The following MLLT3 variants were observed in gnomAD, a reference collection of about 807,000 sequenced individuals.
MLLT3 encodes the protein MLLT3 super elongation complex subunit.
In MLLT3, 4 loss-of-function variants were observed where a neutral mutation model predicts 53.2. That is an observed-to-expected ratio of 0.08 (90% CI 0.04 to 0.17). The LOEUF (loss-of-function observed/expected upper bound fraction) is 0.17. MLLT3 is among the 10% of genes least tolerant of loss of function. The probability of loss-of-function intolerance (pLI) is 1.00; values close to 1 mark genes in which losing one functional copy is unlikely to be tolerated. For synonymous variants in MLLT3, 283 were observed against 230.6 expected (o/e 1.23, Z -2.06); for missense variants, 569 against 684.0 (o/e 0.83, Z 1.87).
At chr9:20,478,937 T>C (rs898333696) in intron 2 of MLLT3, among the ~76,000 whole-genome samples, 2 of 152,090 alleles carry the variant, frequency 1.3e-5, no homozygotes, top group Non-Finnish European at 2.9e-5. Context: ...TGGTGTACAA[T>C]AGCAGCTGTG....
intron 2 of MLLT3, among the ~76,000 whole-genome samples, chr9:20,474,349 T>C (rs1218190310): frequency 6.6e-6 from 1 of 152,140 alleles, no homozygotes; most frequent in Non-Finnish European, 1.5e-5. Context: ...CTTGTGTAGA[T>C]ATTAATGTTC....
chr9:20,509,928 G>C (rs1014193907), intron 2 of MLLT3, among the ~76,000 whole-genome samples: 3 of 151,528 alleles, frequency 2.0e-5, no homozygotes, highest in Non-Finnish European at 4.4e-5. Flanking sequence ...AGGCCAGTTG[G>C]CTTCCTGGAA....
At chr9:20,560,845 G>T (rs1380258018) in intron 2 of MLLT3, among the ~76,000 whole-genome samples, 1 of 151,826 alleles carries the variant, frequency 6.6e-6, no homozygotes, top group African/African-American at 2.4e-5. Flanking sequence ...TACACATACA[G>T]ATTGTGTAAC....
At chr9:20,514,932 AG>A (rs1464192462) in intron 2 of MLLT3, among the ~76,000 whole-genome samples, 3 of 147,948 alleles carry the variant, frequency 2.0e-5, no homozygotes, top group African/African-American at 7.5e-5. Flanking sequence ...CTTACCTTGA[AG>A]GAACAATTTT....
At chr9:20,417,949 C>A (rs1337690787) in intron 4 of MLLT3, among the ~76,000 whole-genome samples, 1 of 152,206 alleles carries the variant, frequency 6.6e-6, no homozygotes, top group African/African-American at 2.4e-5. Context: ...TTCTTGGCTT[C>A]CGTTTCTTCC....
At chr9:20,489,233 C>T (rs1289299398) in intron 2 of MLLT3, among the ~76,000 whole-genome samples, 4 of 152,070 alleles carry the variant, frequency 2.6e-5, no homozygotes, top group Non-Finnish European at 5.9e-5. Context: ...AAATAAATTT[C>T]GTAAAATTCT....
intron 5 of MLLT3, among the ~76,000 whole-genome samples, chr9:20,371,921 C>T (rs2118670613): frequency 6.6e-6 from 1 of 152,230 alleles, no homozygotes; most frequent in South Asian, 2.1e-4. Flanking sequence ...CCATTATGAA[C>T]ATTCATGATT....
intron 5 of MLLT3, among the ~76,000 whole-genome samples, chr9:20,368,657 G>A (rs1287515247): frequency 2.0e-5 from 3 of 152,050 alleles, no homozygotes; most frequent in African/African-American, 4.8e-5. Context: ...CCATAAATAA[G>A]GTTAATAATT....
At chr9:20,386,194 GC>G (rs899224042) in intron 5 of MLLT3, among the ~76,000 whole-genome samples, 1 of 152,172 alleles carries the variant, frequency 6.6e-6, no homozygotes, top group Admixed American at 6.5e-5. Flanking sequence ...AAAAGAGTTT[GC>G]AATTAGAGTA....
At chr9:20,607,806 G>C (rs908537677) in intron 2 of MLLT3, among the ~76,000 whole-genome samples, 4 of 151,916 alleles carry the variant, frequency 2.6e-5, no homozygotes, top group African/African-American at 9.7e-5. Context: ...ATAAATTTTA[G>C]ATTGCAGAGA....
intron 4 of MLLT3, among the ~76,000 whole-genome samples, chr9:20,417,197 T>C (rs916037491): frequency 6.4e-5 from 9 of 141,246 alleles, no homozygotes; most frequent in Admixed American, 2.2e-4. Flanking sequence ...ATATATATTA[T>C]ATATTATATA....
chr9:20,368,514 A>G (rs547335778), intron 5 of MLLT3, among the ~76,000 whole-genome samples: 12 of 152,156 alleles, frequency 7.9e-5, no homozygotes, highest in Non-Finnish European at 1.6e-4. Context: ...GCTGAGAATG[A>G]TATTAGCAAG....
intron 2 of MLLT3, among the ~76,000 whole-genome samples, chr9:20,459,468 C>T (rs1252961739): frequency 2.0e-5 from 3 of 152,178 alleles, no homozygotes; most frequent in African/African-American, 7.2e-5. Flanking sequence ...GCTAGTGTTA[C>T]GCTTATGACA....
intron 2 of MLLT3, among the ~76,000 whole-genome samples, chr9:20,459,126 T>C (rs777227515): frequency 1.4e-4 from 21 of 152,074 alleles, no homozygotes; most frequent in Non-Finnish European, 5.9e-5. Flanking sequence ...GCATTTTTAT[T>C]ACAGAAATGA....
At position 20,346,398 on chromosome 9, in the gene MLLT3, A is replaced by AC; in HGVS notation, c.*44_*45insG. 2 of 1,449,282 alleles carry AC rather than the reference A, an allele frequency of 1.4e-6. No individual in the cohort carries two copies. The highest frequency in any genetic ancestry group is 1.6e-5 in the South Asian group (1 of 62,508). The allele number at this position is 1,449,282 out of a possible 1,614,324, so 89.8% of individuals were successfully genotyped here. ...CACAACCAAAAAAAAAAAAAACCAAAAAAAAAAAACACAATAGTTCTTGAT... is the reference window on the plus strand; with the variant it reads ...CACAACCAAAAAAAAAAAAAACCAAACAAAAAAAAACACAATAGTTCTTGAT... On this transcript the variant is annotated 3_prime_UTR_variant, in exon 11 of 11. Coordinates refer to ENST00000380338, the MANE Select transcript of MLLT3 (RefSeq NM_004529.4).
chr9:20,512,903 A>G (rs1201004005), intron 2 of MLLT3, among the ~76,000 whole-genome samples: 1 of 152,248 alleles, frequency 6.6e-6, no homozygotes, highest in Non-Finnish European at 1.5e-5. Flanking sequence ...CACAAGCTAT[A>G]AAGTGACTAA....
chr9:20,459,491 A>C (rs571956343), intron 2 of MLLT3, among the ~76,000 whole-genome samples: 1 of 152,328 alleles, frequency 6.6e-6, no homozygotes, highest in Admixed American at 6.5e-5. Context: ...TCCAGGCTGC[A>C]AAGCCCCTTT....
chr9:20,364,140 C>T (rs965306293), intron 6 of MLLT3, among the ~76,000 whole-genome samples: 2 of 152,206 alleles, frequency 1.3e-5, no homozygotes, highest in South Asian at 2.1e-4. Flanking sequence ...TACCTCTGAT[C>T]TTCACATTGA....
chr9:20,433,314 A>T (rs959663132), intron 4 of MLLT3, among the ~76,000 whole-genome samples: 1 of 152,226 alleles, frequency 6.6e-6, no homozygotes, highest in Admixed American at 6.5e-5. Context: ...AGGAAAATTA[A>T]ATTATCAAAA....
Sources: gnomAD v4.1 joint callset for allele counts (sites outside exome capture counted in the v4.1 genomes callset) on GRCh38, gnomAD v4.1.1 for gene constraint, MANE v1.5 for transcripts, NCBI Gene and HGNC (gene_info 2026-07-23, HGNC 2026-07-21) for gene names.